Variants in PPM1H observed in about 807,000 individuals in gnomAD.
The protein encoded by PPM1H is protein phosphatase 1H.
In PPM1H, 27 loss-of-function variants were observed where a neutral mutation model predicts 54.9. The ratio of observed to expected loss-of-function variants is 0.49; its 90% confidence interval spans 0.36 to 0.68. The LOEUF (loss-of-function observed/expected upper bound fraction) is 0.68, where lower values mean the gene tolerates loss of function less well. Among genes scored for constraint, PPM1H ranks in the 30% least tolerant of loss-of-function variants. The pLI is 0.00. For missense variants in PPM1H, 596 were observed against 667.8 expected, an observed-to-expected ratio of 0.89 and a Z score of 1.19; for synonymous variants, 305 against 270.8, an observed-to-expected ratio of 1.13 and a Z score of -1.24.
intron 8 of PPM1H, among the ~76,000 whole-genome samples, chr12:62,673,703 A>T (rs2075969293): frequency 1.0e-5 from 1 of 98,302 alleles, no homozygotes; most frequent in African/African-American, 2.9e-5. Flanking sequence ...TTGTGACTTG[A>T]GAAGAGCCAC....
chr12:62,646,771 A>G lies in PPM1H; in HGVS notation c.*1718T>C, dbSNP rs17098133. 0.039 allele frequency: 5,971 copies of G among 152,190 alleles called. 143 individuals carry two copies. Among genetic ancestry groups the G allele is most frequent in the Non-Finnish European group, 0.051 (3,500 of 68,026 alleles). 9.4% of individuals were successfully genotyped at this position (152,190 alleles called of 1,614,324 possible). ...ACCTGCCAGACGGCACTGTCTCCAC[A>G]CCCTGGAATGAGTTCTTTCCTGAGC... On this transcript the variant is annotated 3_prime_UTR_variant, in exon 10 of 10. Coordinates refer to ENST00000228705, the MANE Select transcript of PPM1H (RefSeq NM_020700.2).
chr12:62,796,611 T>C (rs1041538435), intron 3 of PPM1H, among the ~76,000 whole-genome samples: 1 of 152,226 alleles, frequency 6.6e-6, no homozygotes, highest in East Asian at 1.9e-4. Context: ...CCTCCACATG[T>C]TCAGCTACCC....
At chr12:62,769,146 T>C (rs1308009946) in intron 4 of PPM1H, among the ~76,000 whole-genome samples, 1 of 152,166 alleles carries the variant, frequency 6.6e-6, no homozygotes, top group Non-Finnish European at 1.5e-5. Context: ...AAAACAGTAA[T>C]GAATACTTTA....
At chr12:62,822,398 G>C (rs1186229199) in intron 2 of PPM1H, among the ~76,000 whole-genome samples, 2 of 152,124 alleles carry the variant, frequency 1.3e-5, no homozygotes, top group African/African-American at 4.8e-5. Context: ...TGCACCAAGA[G>C]GACGTGACAG....
intron 6 of PPM1H, among the ~76,000 whole-genome samples, chr12:62,697,784 G>A (rs559291955): frequency 4.5e-4 from 68 of 151,956 alleles, no homozygotes; most frequent in African/African-American, 6.3e-4. Context: ...AAGAACTAGC[G>A]CCCCAAACAA....
At chr12:62,842,959 G>A (rs1205857493) in intron 1 of PPM1H, among the ~76,000 whole-genome samples, 1 of 152,170 alleles carries the variant, frequency 6.6e-6, no homozygotes, top group African/African-American at 2.4e-5. Flanking sequence ...ATAAGATGGG[G>A]ATAATGAACA....
chr12:62,813,351 T>C lies in PPM1H; in HGVS notation c.412-11191A>G, dbSNP rs978821028. Among the ~76,000 whole-genome samples, 639 of 152,090 alleles carry C rather than the reference T, an allele frequency of 4.2e-3. 5 individuals carry two copies. Among genetic ancestry groups the C allele is most frequent in the African/African-American group, 0.015 (609 of 41,426 alleles). ...GAAGCACATGAATGTGAGGGGGAAT[T>C]GGTCGGCGTGTAAGAGACACGTTAG... is the stretch of plus-strand genomic sequence containing the variant. On this transcript the variant is annotated intron_variant, in intron 2 of 9. Coordinates refer to ENST00000228705, the MANE Select transcript of PPM1H (RefSeq NM_020700.2).
intron 1 of PPM1H, among the ~76,000 whole-genome samples, chr12:62,839,573 A>G (rs1389907692): frequency 6.6e-6 from 1 of 151,624 alleles, no homozygotes; most frequent in Admixed American, 6.6e-5. Context: ...TACTCTGTCC[A>G]CTTTTGTCAT....
intron 8 of PPM1H, among the ~76,000 whole-genome samples, chr12:62,679,325 C>T (rs1472348722): frequency 1.3e-5 from 2 of 152,134 alleles, no homozygotes; most frequent in African/African-American, 4.8e-5. Context: ...CAAAAATATT[C>T]AAAGTGGTGG....
At chr12:62,867,602 G>C in intron 1 of PPM1H, among the ~76,000 whole-genome samples, 1 of 79,400 alleles carries the variant, frequency 1.3e-5, no homozygotes, top group Non-Finnish European at 2.1e-5. Flanking sequence ...TTTTGAGACA[G>C]AGTCTCACTC....
chr12:62,876,319 G>C (rs1428549221), intron 1 of PPM1H, among the ~76,000 whole-genome samples: 1 of 152,194 alleles, frequency 6.6e-6, no homozygotes, highest in African/African-American at 2.4e-5. Context: ...TTAGTATGCT[G>C]TCACCCAGAG....
At chr12:62,851,088 C>G (rs1205761321) in intron 1 of PPM1H, among the ~76,000 whole-genome samples, 1 of 152,054 alleles carries the variant, frequency 6.6e-6, no homozygotes, top group Admixed American at 6.5e-5. Context: ...CAAGGACATC[C>G]TAGGACTGTG....
chr12:62,662,803 A>G (rs901539689), intron 9 of PPM1H, among the ~76,000 whole-genome samples: 3 of 152,198 alleles, frequency 2.0e-5, no homozygotes, highest in Admixed American at 2.0e-4. Flanking sequence ...ATCAGTAAAT[A>G]TCTTAGAAAC....
chr12:62,781,196 G>C (rs903124888), intron 4 of PPM1H, among the ~76,000 whole-genome samples: 1 of 152,246 alleles, frequency 6.6e-6, no homozygotes, highest in African/African-American at 2.4e-5. Flanking sequence ...AGGAAGAGGA[G>C]GCTGACATGT....
rs144665743 is a variant in PPM1H at position 62,844,881 on chromosome 12, T to C, written c.246-12602A>G. On this transcript the variant is annotated intron_variant, in intron 1 of 9. Transcript: ENST00000228705. The surrounding 1 kb of genome is among the most constrained non-coding windows in gnomAD (Gnocchi z 5.2). ...TTGGAGTTTCTCCTCATTTGATTTC[T>C]GCATTCCATAGAAAAAAATTAATTA... Among the ~76,000 whole-genome samples, 13 of 152,350 alleles carry C rather than the reference T, an allele frequency of 8.5e-5. No individual in the cohort carries two copies. The East Asian group carries it at 9.6e-4, about 11-fold the overall frequency.
intron 8 of PPM1H, among the ~76,000 whole-genome samples, chr12:62,682,264 T>C (rs1230031230): frequency 6.6e-6 from 1 of 152,234 alleles, no homozygotes; most frequent in Admixed American, 6.5e-5. Context: ...TGAACAATCA[T>C]GTTCTGCTTC....
chr12:62,920,454 G>A (rs1201927296), intron 1 of PPM1H, among the ~76,000 whole-genome samples: 1 of 150,200 alleles, frequency 6.7e-6, no homozygotes, highest in Non-Finnish European at 1.5e-5. Flanking sequence ...AGCCTCCCAA[G>A]TAGCTGGTAC....
At chr12:62,673,715 C>CTTTT (rs567775927) in intron 8 of PPM1H, among the ~76,000 whole-genome samples, 931 of 41,910 alleles carry the variant, frequency 0.022, 256 homozygotes, top group Middle Eastern at 0.036. Flanking sequence ...AAGAGCCACT[C>CTTTT]TTTTTTTTTT....
chr12:62,917,422 C>G (rs1185042603), intron 1 of PPM1H, among the ~76,000 whole-genome samples: 1 of 152,192 alleles, frequency 6.6e-6, no homozygotes, highest in Non-Finnish European at 1.5e-5. Flanking sequence ...TTCAATTTTA[C>G]ATTTTTTCAA....
Sources: allele counts gnomAD v4.1 joint callset (sites outside exome capture counted in the v4.1 genomes callset), GRCh38; gene constraint gnomAD v4.1.1; non-coding constraint Gnocchi (gnomAD v3.1); transcripts MANE v1.5; gene names NCBI Gene and HGNC (gene_info 2026-07-23, HGNC 2026-07-21).